Variants in UTRN observed in about 807,000 individuals in gnomAD.
UTRN encodes dystrophin-related protein 1.
In UTRN, 283 loss-of-function variants were observed where a neutral mutation model predicts 463.9. The ratio of observed to expected loss-of-function variants is 0.61; its 90% CI spans 0.55 to 0.67. The LOEUF is 0.67. Ranked by LOEUF, UTRN falls within the 30% of genes least tolerant of loss-of-function variation. The probability of loss-of-function intolerance (pLI) is 0.00; values close to 1 mark genes in which losing one functional copy is unlikely to be tolerated. For missense variants in UTRN, 3,922 were observed against 4,084.3 expected (o/e 0.96, Z 1.08); for synonymous variants, 1,442 against 1,431.5 (o/e 1.01, Z -0.17).
intron 47 of UTRN, 88 bp from the exon 48 acceptor site, chr6:144,550,877 A>T: frequency 8.5e-7 from 1 of 1,179,108 alleles, no homozygotes; most frequent in Non-Finnish European, 1.2e-6. Flanking sequence ...GAAAACAACG[A>T]CAACTTTGAT....
At chr6:144,370,775 G>A (rs963972520) in intron 2 of UTRN, among the ~76,000 whole-genome samples, 2 of 152,176 alleles carry the variant, frequency 1.3e-5, no homozygotes, top group Non-Finnish European at 2.9e-5. Flanking sequence ...CAAGACCATG[G>A]GAACCCACCT....
Position 144,370,958 on chromosome 6 carries a change from C to G in UTRN, c.80-32165C>G, listed in dbSNP as rs142973505. Among the ~76,000 whole-genome samples, 491 of 152,326 alleles carry G rather than the reference C, an allele frequency of 3.2e-3. 2 individuals carry two copies. The highest frequency in any genetic ancestry group is 0.011 in the African/African-American group (446 of 41,572). On this transcript the variant is annotated intron_variant, in intron 2 of 74. Coordinates refer to ENST00000367545, the MANE Select transcript of UTRN (RefSeq NM_007124.3). Reference sequence around the variant, plus strand: ...GCTCCATGGGATGTTTCTGTCCTCCCTGAGCTCACCTTAAGACACCTGCAT... The same window carrying G: ...GCTCCATGGGATGTTTCTGTCCTCCGTGAGCTCACCTTAAGACACCTGCAT...
intron 50 of UTRN, among the ~76,000 whole-genome samples, chr6:144,558,747 AG>A (rs1799604210): frequency 1.3e-5 from 2 of 152,272 alleles, no homozygotes; most frequent in Non-Finnish European, 2.9e-5. Context: ...CAGGAGAGAA[AG>A]AAGGAGGTGA....
chr6:144,640,845 T>C (rs1777690392), intron 51 of UTRN, among the ~76,000 whole-genome samples: 1 of 152,206 alleles, frequency 6.6e-6, no homozygotes, highest in African/African-American at 2.4e-5. Flanking sequence ...TAGTTTTTAA[T>C]GCCAGCAGTC....
intron 9 of UTRN, among the ~76,000 whole-genome samples, chr6:144,433,841 C>T (rs1298428794): frequency 4.7e-5 from 7 of 149,952 alleles, no homozygotes; most frequent in South Asian, 2.1e-4. Flanking sequence ...CGGGCAGAGA[C>T]GCTCCTCACT....
intron 53 of UTRN, among the ~76,000 whole-genome samples, chr6:144,720,136 C>T (rs1459258726): frequency 1.3e-5 from 2 of 152,222 alleles, no homozygotes; most frequent in African/African-American, 2.4e-5. Context: ...GATCCCATCT[C>T]GGTCAGTGAT....
At chr6:144,780,318 T>C (rs1415559613) in intron 60 of UTRN, among the ~76,000 whole-genome samples, 1 of 152,162 alleles carries the variant, frequency 6.6e-6, no homozygotes, top group Non-Finnish European at 1.5e-5. Flanking sequence ...ATATAACATA[T>C]GTGTATATAT....
chr6:144,543,248 T>A (rs1798132504), intron 46 of UTRN, among the ~76,000 whole-genome samples: 2 of 152,214 alleles, frequency 1.3e-5, no homozygotes, highest in Admixed American at 1.3e-4. Flanking sequence ...TTGGTTAACA[T>A]ATGTAATTAG....
intron 65 of UTRN, among the ~76,000 whole-genome samples, chr6:144,809,619 T>C (rs1045453882): frequency 5.3e-5 from 8 of 152,080 alleles, no homozygotes; most frequent in African/African-American, 1.9e-4. Context: ...TTTTAAGTTA[T>C]GATGAGGCCT....
intron 3 of UTRN, among the ~76,000 whole-genome samples, chr6:144,414,081 G>A (rs973705658): frequency 6.6e-6 from 1 of 151,766 alleles, no homozygotes; most frequent in Admixed American, 6.6e-5. Flanking sequence ...GATTGCAGGT[G>A]TGAGCCACTG....
At chr6:144,479,710 G>A (rs568090051) in intron 25 of UTRN, 102 bp from the exon 26 acceptor site, 35 of 1,350,936 alleles carry the variant, frequency 2.6e-5, no homozygotes, top group African/African-American at 5.9e-5. Flanking sequence ...CATGCAATTC[G>A]TTGTGGAAAG....
chr6:144,436,508 A>G (rs1206660152), intron 10 of UTRN, among the ~76,000 whole-genome samples: 1 of 152,056 alleles, frequency 6.6e-6, no homozygotes, highest in Non-Finnish European at 1.5e-5. Context: ...TTTTAATTGC[A>G]TGATTAAGCA....
intron 14 of UTRN, among the ~76,000 whole-genome samples, chr6:144,445,351 CAA>C (rs11419379): frequency 3.8e-5 from 4 of 106,490 alleles, no homozygotes; most frequent in Admixed American, 1.2e-4. Context: ...GACTCCCTCT[CAA>C]AAAAAAAAAA....
intron 45 of UTRN, among the ~76,000 whole-genome samples, chr6:144,540,623 C>T (rs1797905276): frequency 6.6e-6 from 1 of 152,190 alleles, no homozygotes; most frequent in Non-Finnish European, 1.5e-5. Context: ...TGATATCCCT[C>T]TCCCTTCTGT....
intron 51 of UTRN, among the ~76,000 whole-genome samples, chr6:144,674,035 C>T (rs898863907): frequency 2.0e-5 from 3 of 152,108 alleles, no homozygotes; most frequent in Non-Finnish European, 2.9e-5. Context: ...TAGGATTTCC[C>T]TTGTAGGTTA....
intron 58 of UTRN, 123 bp downstream of exon 58, chr6:144,758,112 T>C: frequency 1.4e-6 from 1 of 729,614 alleles, no homozygotes; most frequent in South Asian, 2.3e-5. Context: ...AAAGAAACTG[T>C]GATATAGTTA....
intron 55 of UTRN, among the ~76,000 whole-genome samples, chr6:144,751,576 G>C (rs769704438): frequency 1.3e-5 from 2 of 152,062 alleles, no homozygotes; most frequent in Non-Finnish European, 2.9e-5. Context: ...CCTGCATGTA[G>C]GAAAAGTCAG....
At chr6:144,334,605 A>G (rs1021480802) in intron 2 of UTRN, among the ~76,000 whole-genome samples, 6 of 152,198 alleles carry the variant, frequency 3.9e-5, no homozygotes, top group African/African-American at 1.4e-4. Flanking sequence ...ATTGAGGAAC[A>G]TGTATTTCCT....
At chr6:144,316,147 C>T (rs1012549122) in intron 2 of UTRN, among the ~76,000 whole-genome samples, 5 of 152,052 alleles carry the variant, frequency 3.3e-5, no homozygotes, top group South Asian at 2.1e-4. Flanking sequence ...GCCAGGAGTT[C>T]GAGACTAGGC....
Sources: gnomAD v4.1 joint callset for allele counts (sites outside exome capture counted in the v4.1 genomes callset) on GRCh38, gnomAD v4.1.1 for gene constraint, MANE v1.5 for transcripts, NCBI Gene and HGNC (gene_info 2026-07-23, HGNC 2026-07-21) for gene names.